GPC4: variants seen among roughly 807,000 people sequenced by gnomAD.
GPC4 encodes glypican 4.
A neutral mutation model predicts 35.0 loss-of-function variants in GPC4; 10 were observed. The observed-to-expected ratio is 0.29, with a 90% CI of 0.18 to 0.48. The LOEUF is 0.48. Ranked by LOEUF, GPC4 falls within the 20% of genes least tolerant of loss-of-function variation. GPC4 has a pLI of 0.99. For synonymous variants in GPC4, 167 were observed against 170.2 expected, an observed-to-expected ratio of 0.98 and a Z score of 0.15; for missense variants, 322 against 451.3, an observed-to-expected ratio of 0.71 and a Z score of 2.60.
intron 3 of GPC4, among the ~76,000 whole-genome samples, chrX:133,317,439 C>G (rs760400147): frequency 9.1e-6 from 1 of 110,454 alleles, no homozygotes; most frequent in South Asian, 3.9e-4. Context: ...ACCCAATAAC[C>G]TGCATTTTCC....
intron 4 of GPC4, among the ~76,000 whole-genome samples, chrX:133,307,404 C>T (rs2068295363): frequency 8.9e-6 from 1 of 112,247 alleles, no homozygotes; most frequent in South Asian, 3.7e-4. Flanking sequence ...TGCACGGGGT[C>T]ATTTCTCTAA....
intron 1 of GPC4, among the ~76,000 whole-genome samples, chrX:133,411,105 T>C (rs2068811046): frequency 8.9e-6 from 1 of 112,732 alleles, no homozygotes; most frequent in Non-Finnish European, 1.9e-5. Flanking sequence ...CGTACTTTTT[T>C]TCCACGTAGT....
At chrX:133,314,268 C>T (rs1177702599) in intron 3 of GPC4, among the ~76,000 whole-genome samples, 2 of 111,952 alleles carry the variant, frequency 1.8e-5, no homozygotes, top group South Asian at 3.8e-4. Context: ...CAAAGAAGTC[C>T]TTTCTCATTC....
intron 1 of GPC4, among the ~76,000 whole-genome samples, chrX:133,354,725 C>T (rs1362032092): frequency 6.6e-5 from 7 of 106,016 alleles, no homozygotes; most frequent in African/African-American, 1.0e-4. Context: ...CCCGCCACCG[C>T]GCCCGGCTAA....
chrX:133,372,603 G>A (rs961460620), intron 1 of GPC4, among the ~76,000 whole-genome samples: 2 of 111,637 alleles, frequency 1.8e-5, no homozygotes, highest in Admixed American at 1.9e-4. Context: ...GGAATTTTGC[G>A]AAGCCCTTTG....
chrX:133,308,651 G>A (rs2068301223), intron 4 of GPC4, among the ~76,000 whole-genome samples: 1 of 111,307 alleles, frequency 9.0e-6, no homozygotes, highest in African/African-American at 3.3e-5. Flanking sequence ...GGAAGAGCAT[G>A]GCAACAAGAA....
In GPC4 at chrX:133,311,249, C is replaced by T. The variant is rs1282651238; in HGVS notation, c.877+9G>A. 8.3e-7 allele frequency: 1 copy of T among 1,208,285 alleles called. No homozygotes were observed. The highest frequency in any genetic ancestry group is 1.8e-5 in the South Asian group (1 of 56,407). On this transcript the variant is annotated intron_variant, in intron 4 of 8. Transcript: ENST00000370828. ...TCCAGCAACACAAATATGTTAACCA[C>T]TTGCTCACCTATGAAATTGTTCCAT...
At chrX:133,335,303 G>A (rs2068436965) in intron 2 of GPC4, among the ~76,000 whole-genome samples, 2 of 111,271 alleles carry the variant, frequency 1.8e-5, no homozygotes, top group African/African-American at 6.5e-5. Context: ...AACATCCTAA[G>A]TTAAAAAGTG....
At chrX:133,355,679 T>C (rs754774572) in intron 1 of GPC4, among the ~76,000 whole-genome samples, 14 of 111,571 alleles carry the variant, frequency 1.3e-4, no homozygotes, top group African/African-American at 3.6e-4. Flanking sequence ...ACCATCCAAA[T>C]TGCATGTTGA....
At chrX:133,407,802 TC>T (rs2068796073) in intron 1 of GPC4, among the ~76,000 whole-genome samples, 1 of 112,684 alleles carries the variant, frequency 8.9e-6, no homozygotes, top group African/African-American at 3.2e-5. Flanking sequence ...TGAAGCAGCC[TC>T]TTTTACTCTG....
intron 1 of GPC4, among the ~76,000 whole-genome samples, chrX:133,355,335 A>G (rs1457220742): frequency 8.9e-6 from 1 of 111,989 alleles, no homozygotes; most frequent in Non-Finnish European, 1.9e-5. Flanking sequence ...AGTAGCACCA[A>G]GTCTGAGCTT....
chrX:133,335,333 TAGAAAAACACAG>T (rs2068437316), intron 2 of GPC4, among the ~76,000 whole-genome samples: 1 of 111,131 alleles, frequency 9.0e-6, no homozygotes, highest in Non-Finnish European at 1.9e-5. Context: ...AATGATAGCA[TAGAAAAACACAG>T]AGGCCAGTCT....
chrX:133,328,190 T>C (rs1394154174), intron 2 of GPC4, among the ~76,000 whole-genome samples: 1 of 111,365 alleles, frequency 9.0e-6, no homozygotes, highest in Non-Finnish European at 1.9e-5. Context: ...TATTCATATA[T>C]TTAATCTATG....
In GPC4 at chrX:133,414,827, C is replaced by A. The variant is rs1289467957; in HGVS notation, c.139G>T (p.Ala47Ser). The A allele has an allele frequency of 1.7e-6, 2 of 1,210,425 alleles. No homozygotes were observed. The highest frequency in any genetic ancestry group is 1.1e-6 in the Non-Finnish European group (1 of 895,119). Residue 47 changes from alanine to serine, a missense_variant, in exon 1 of 9, where the codon GCC becomes TCC. By Grantham distance (99) the Ala-to-Ser change is moderately conservative. This residue lies in a region of GPC4 where 60 missense variants were observed against 64.1 expected (regional missense o/e 0.94). Coordinates refer to ENST00000370828, the MANE Select transcript of GPC4 (RefSeq NM_001448.3). ...CTACCGTTGATCTCGTGGAGGGGGG[C>A]ATCGTTCTTGTTGAAGCCTTTGGAC... ...YVSKGFNKND[A>S]PLHEINGDHL...
chrX:133,355,453 G>T (rs1266643915), intron 1 of GPC4, among the ~76,000 whole-genome samples: 1 of 111,783 alleles, frequency 8.9e-6, no homozygotes, highest in Non-Finnish European at 1.9e-5. Context: ...ATGATTTGTG[G>T]CTACAAACAT....
chrX:133,390,574 A>T (rs1203921087), intron 1 of GPC4, among the ~76,000 whole-genome samples: 2 of 112,218 alleles, frequency 1.8e-5, no homozygotes, highest in African/African-American at 6.5e-5. Flanking sequence ...ACAGAATGAC[A>T]GCTGACAGCA....
chrX:133,323,216 C>A (rs2266799), intron 3 of GPC4, among the ~76,000 whole-genome samples: 43,348 of 110,703 alleles, frequency 0.39, 7,465 homozygotes, highest in African/African-American at 0.67. Flanking sequence ...TGGTGGCTCT[C>A]ACCTGTAATC....
rs754327691 is a variant in GPC4 at position 133,304,711 on chromosome X, C to A, written c.1292+14G>T. 2.5e-6 allele frequency: 3 copies of A among 1,208,742 alleles called. No homozygotes were observed. The Admixed American group carries it at 6.6e-5, about 26-fold the overall frequency. ...GGAAGGGAGAAACTTCAAATTCATTCAACAGACACTAACCTGCTTTTGCCT... is the reference window on the plus strand; with the variant it reads ...GGAAGGGAGAAACTTCAAATTCATTAAACAGACACTAACCTGCTTTTGCCT... On this transcript the variant is annotated intron_variant, in intron 7 of 8. Transcript: ENST00000370828.
At position 133,304,847 on chromosome X, in the gene GPC4, C is replaced by T; in HGVS notation, c.1170G>A (p.Lys390=). The T allele has an allele frequency of 8.3e-7, 1 of 1,210,378 alleles. No individual in the cohort carries two copies. Among genetic ancestry groups the T allele is most frequent in the Non-Finnish European group, 1.1e-6 (1 of 894,400 alleles). Residue 390 remains lysine, a synonymous_variant, in exon 7 of 9, where the codon AAG becomes AAA. Coordinates refer to ENST00000370828, the MANE Select transcript of GPC4 (RefSeq NM_001448.3). Reference sequence around the variant, plus strand: ...ATTTCTTGGCCTGTTTCAGTTTCTCCTTGACATCAGTAACCTAATTATGAA... The same window carrying T: ...ATTTCTTGGCCTGTTTCAGTTTCTCTTTGACATCAGTAACCTAATTATGAA... The part of the protein sequence containing the change: ...TSLDRLVTDV[K]EKLKQAKKFW...
Sources: gnomAD v4.1 joint callset for allele counts (sites outside exome capture counted in the v4.1 genomes callset) on GRCh38, gnomAD v4.1.1 for gene constraint, gnomAD v4.1.1 regional missense constraint, MANE v1.5 for transcripts, NCBI Gene and HGNC (gene_info 2026-07-23, HGNC 2026-07-21) for gene names.